The following POLR2C variants were observed in gnomAD, a reference collection of about 807,000 sequenced individuals.
POLR2C encodes DNA-directed RNA polymerase II subunit RPB3.
POLR2C carries 36 observed loss-of-function variants against 41.7 expected under a neutral mutation model. The observed-to-expected ratio is 0.86, with a 90% CI of 0.66 to 1.14. POLR2C has a LOEUF of 1.14. Ranked by LOEUF, POLR2C falls within the 50% of genes most tolerant of loss-of-function variation. The probability of loss-of-function intolerance (pLI) is 0.00; values close to 1 mark genes in which losing one functional copy is unlikely to be tolerated. For missense variants in POLR2C, 260 were observed against 350.4 expected, an observed-to-expected ratio of 0.74 and a Z score of 2.06; for synonymous variants, 133 against 137.8, an observed-to-expected ratio of 0.96 and a Z score of 0.25.
At chr16:57,468,602 A>G (rs2030760357) in intron 4 of POLR2C, among the ~76,000 whole-genome samples, 1 of 152,228 alleles carries the variant, frequency 6.6e-6, no homozygotes, top group South Asian at 2.1e-4. Flanking sequence ...GTTAATAATT[A>G]TGGAAGGTGG....
chr16:57,466,621 C>T (rs1044213557), intron 4 of POLR2C, among the ~76,000 whole-genome samples: 4 of 152,158 alleles, frequency 2.6e-5, no homozygotes, highest in Admixed American at 1.3e-4. Flanking sequence ...GTCCTGGTGT[C>T]TGCAGATTCA....
chr16:57,463,311 C>G, intron 2 of POLR2C: 1 of 605,026 alleles, frequency 1.7e-6, no homozygotes, highest in Non-Finnish European at 3.0e-6. Flanking sequence ...TGCTGAGAAG[C>G]ATGGGTTTAG....
At position 57,462,783 on chromosome 16, in the gene POLR2C, A is replaced by G; in HGVS notation, c.59A>G (p.Lys20Arg). The change falls in exon 1 of 9, where the codon AAG becomes AGG. Residue 20 changes from lysine (K) to arginine (R), a missense_variant. Coordinates refer to ENST00000219252, the MANE Select transcript of POLR2C (RefSeq NM_032940.3). ...ACGGAGCTCACTGACGAGAATGTCA[A>G]GTTCATCATCGAGAACACCGACCTG... ...RITELTDENV[K>R]FIIENTDLAV... 1.9e-6 allele frequency: 3 copies of G among 1,607,310 alleles called. No individual in the cohort carries two copies. Among genetic ancestry groups the G allele is most frequent in the Non-Finnish European group, 2.5e-6 (3 of 1,176,648 alleles).
chr16:57,470,255 T>C, intron 7 of POLR2C, 25 bp from the exon 8 acceptor site: 1 of 1,608,224 alleles, frequency 6.2e-7, no homozygotes. Context: ...GTGGCAACCT[T>C]GTGCTGACCT....
In POLR2C at chr16:57,469,880, G is replaced by T; in HGVS notation, c.440-81G>T. The T allele has an allele frequency of 6.3e-7, 1 of 1,584,682 alleles. No homozygotes were observed. Among genetic ancestry groups the T allele is most frequent in the Non-Finnish European group, 8.7e-7 (1 of 1,153,932 alleles). On this transcript the variant is annotated intron_variant, in intron 6 of 8. Coordinates refer to ENST00000219252, the MANE Select transcript of POLR2C (RefSeq NM_032940.3). This position sits in a 1 kb window ranked among gnomAD's most constrained non-coding sequence, Gnocchi z 5.8. The stretch of plus-strand genomic sequence containing the variant: ...TAGACCGTTTTTCCAGATGTGTGTG[G>T]TCTTGCAGTGGCACTCCAAGTCAGA...
intron 4 of POLR2C, among the ~76,000 whole-genome samples, chr16:57,466,877 G>A (rs1216483015): frequency 6.6e-6 from 1 of 152,072 alleles, no homozygotes; most frequent in Non-Finnish European, 1.5e-5. Context: ...ATATTCTCAA[G>A]GGCCATGTCA....
chr16:57,465,999 T>C lies in POLR2C; in HGVS notation c.183T>C (p.Asp61=), dbSNP rs778019446. Residue 61 remains aspartate, a synonymous_variant, in exon 3 of 9, where the codon GAT becomes GAC. Coordinates refer to ENST00000219252, the MANE Select transcript of POLR2C (RefSeq NM_032940.3). ...QIDANSSVLH[D]EFIAHRLGLI... is the part of the protein sequence containing the mutation. ...ATGCCAATTCCTCAGTTCTTCATGATGAATTCATTGCTCACAGGCTTGGTG... is the reference window on the plus strand; with the variant it reads ...ATGCCAATTCCTCAGTTCTTCATGACGAATTCATTGCTCACAGGCTTGGTG... The C allele has an allele frequency of 2.5e-6, 4 of 1,598,486 alleles. No individual in the cohort carries two copies. Among genetic ancestry groups the C allele is most frequent in the South Asian group, 2.2e-5 (2 of 90,726 alleles).
At chr16:57,464,672 G>A (rs866165151) in intron 2 of POLR2C, among the ~76,000 whole-genome samples, 7 of 47,882 alleles carry the variant, frequency 1.5e-4, no homozygotes, top group African/African-American at 2.5e-4. Context: ...CCACCCCCCC[G>A]CCCCCCAGTC....
chr16:57,463,923 G>A (rs1180395056), intron 2 of POLR2C: 1 of 178,592 alleles, frequency 5.6e-6, no homozygotes, highest in Non-Finnish European at 1.2e-5. Context: ...CTGGGCAATA[G>A]AGTGAGACTC....
intron 4 of POLR2C, among the ~76,000 whole-genome samples, chr16:57,467,522 C>G (rs1304742243): frequency 1.3e-5 from 2 of 148,486 alleles, no homozygotes. Flanking sequence ...CATGGTCTGT[C>G]TCTCTCTCTC....
intron 4 of POLR2C, among the ~76,000 whole-genome samples, chr16:57,466,605 GGA>G (rs2030714483): frequency 6.6e-6 from 1 of 152,158 alleles, no homozygotes; most frequent in Non-Finnish European, 1.5e-5. Context: ...AGCTCCTGGG[GGA>G]CTAGTCCTGG....
chr16:57,463,302 G>A, intron 2 of POLR2C: 5 of 608,110 alleles, frequency 8.2e-6, no homozygotes, highest in Non-Finnish European at 1.5e-5. Flanking sequence ...GGTATGCATT[G>A]CTGAGAAGCA....
chr16:57,462,721 C>A lies in POLR2C; in HGVS notation c.-4C>A, dbSNP rs771108916. ...GACGCGGAGGCTGGTGGCCCCTGGGCGAGATGCCGTACGCCAACCAGCCTA... is the reference window on the plus strand; with the variant it reads ...GACGCGGAGGCTGGTGGCCCCTGGGAGAGATGCCGTACGCCAACCAGCCTA... On this transcript the variant is annotated 5_prime_UTR_variant, in exon 1 of 9. Transcript: ENST00000219252. The A allele has an allele frequency of 2.5e-6, 4 of 1,592,640 alleles. No homozygotes were observed. The highest frequency in any genetic ancestry group is 2.6e-6 in the Non-Finnish European group (3 of 1,170,286).
Position 57,469,695 on chromosome 16 carries a change from G to C in POLR2C, c.388-15G>C. On this transcript the variant is annotated splice_polypyrimidine_tract_variant and intron_variant, in intron 5 of 8. Transcript: ENST00000219252. The surrounding 1 kb of genome is among the most constrained non-coding windows in gnomAD (Gnocchi z 5.8). Reference sequence around the variant, plus strand: ...GAGGTGAGCAGCTAATGAATGCCTGGTGGACTCCCTACAGGTGACATCCCG... The same window carrying C: ...GAGGTGAGCAGCTAATGAATGCCTGCTGGACTCCCTACAGGTGACATCCCG... The C allele has an allele frequency of 6.2e-7, 1 of 1,608,684 alleles. No homozygotes were observed. The highest frequency in any genetic ancestry group is 1.4e-5 in the African/African-American group (1 of 73,196).
chr16:57,464,260 G>A (rs2030651419), intron 2 of POLR2C, among the ~76,000 whole-genome samples: 1 of 152,192 alleles, frequency 6.6e-6, no homozygotes, highest in Admixed American at 6.5e-5. Flanking sequence ...GGCAGGCATG[G>A]TGGTAAGCTC....
intron 2 of POLR2C, among the ~76,000 whole-genome samples, chr16:57,464,270 C>T (rs1442656119): frequency 1.3e-5 from 2 of 152,192 alleles, no homozygotes; most frequent in Non-Finnish European, 2.9e-5. Flanking sequence ...GTGGTAAGCT[C>T]TGGGAATGCA....
At chr16:57,467,808 G>A (rs1567583885) in intron 4 of POLR2C, among the ~76,000 whole-genome samples, 1 of 152,020 alleles carries the variant, frequency 6.6e-6, no homozygotes, top group Non-Finnish European at 1.5e-5. Flanking sequence ...GATTTTCCTA[G>A]TTTTTCCCCA....
chr16:57,462,889 G>T (rs2030608490), intron 1 of POLR2C, 79 bp downstream of exon 1: 1 of 1,192,202 alleles, frequency 8.4e-7, no homozygotes. Context: ...AGGGGGCGGG[G>T]GTGTAGTGGG....
In POLR2C at chr16:57,469,564, G is replaced by C. The variant is rs2030780040; in HGVS notation, c.388-146G>C. On this transcript the variant is annotated intron_variant, in intron 5 of 8. Transcript: ENST00000219252. This position sits in a 1 kb window ranked among gnomAD's most constrained non-coding sequence, Gnocchi z 5.8. Reference sequence around the variant, plus strand: ...CCACCACACCCTGAAGTGGGGGTTGGAGTCCTGGGGGCATCTGTGCCACCA... The same window carrying C: ...CCACCACACCCTGAAGTGGGGGTTGCAGTCCTGGGGGCATCTGTGCCACCA... 1 of 779,044 alleles carries C rather than the reference G, an allele frequency of 1.3e-6. No homozygotes were observed. Among genetic ancestry groups the C allele is most frequent in the Admixed American group, 2.0e-5 (1 of 49,758 alleles). 48.3% of individuals were successfully genotyped at this position (779,044 alleles called of 1,614,324 possible).
Sources: allele counts gnomAD v4.1 joint callset (sites outside exome capture counted in the v4.1 genomes callset), GRCh38; gene constraint gnomAD v4.1.1; non-coding constraint Gnocchi (gnomAD v3.1); transcripts MANE v1.5; gene names NCBI Gene and HGNC (gene_info 2026-07-23, HGNC 2026-07-21).